Variants in MAST3 observed in about 807,000 individuals in gnomAD.
The protein encoded by MAST3 is microtubule-associated serine/threonine-protein kinase 3.
In MAST3, 43 loss-of-function variants were observed where a neutral mutation model predicts 127.0. The observed-to-expected ratio is 0.34, with a 90% confidence interval of 0.27 to 0.44. MAST3 has a LOEUF of 0.44. Ranked by LOEUF, MAST3 falls within the 20% of genes least tolerant of loss-of-function variation. MAST3 has a pLI of 1.00. For missense variants in MAST3, 1,390 were observed against 1,919.1 expected (o/e 0.72, Z 5.15); for synonymous variants, 785 against 809.2 (o/e 0.97, Z 0.51).
rs890664826 is a variant in MAST3, at chr19:18,144,262, G to A, written c.2585-204G>A. Among the ~76,000 whole-genome samples, 2 of 152,162 alleles carry A rather than the reference G, an allele frequency of 1.3e-5. No homozygotes were observed. The highest frequency in any genetic ancestry group is 4.8e-5 in the African/African-American group (2 of 41,444). ...GGAACTAAGGGTCTAAATGGGTGTG[G>A]AGGAAGGCTTCCTGGAGGAGGGGAC... is the stretch of plus-strand genomic sequence containing the variant. On this transcript the variant is annotated intron_variant, in intron 22 of 27. Transcript: ENST00000687212. This position sits in a 1 kb window ranked among gnomAD's most constrained non-coding sequence, Gnocchi z 4.0.
intron 3 of MAST3, among the ~76,000 whole-genome samples, chr19:18,111,530 CTTTTTTT>C (rs576984210): frequency 0.05 from 5,198 of 103,272 alleles, 187 homozygotes; most frequent in Admixed American, 0.12. Context: ...TTTCCACAGA[CTTTTTTT>C]TTTTTTTTTT....
chr19:18,145,835 G>A lies in MAST3; in HGVS notation c.3132G>A (p.Val1044=). ...HINGESVLGL[V]HMDVVELLLK... is the part of the protein sequence containing the mutation. The stretch of plus-strand genomic sequence containing the variant: ...ACGGGGAGTCAGTGCTGGGGCTGGT[G>A]CACATGGACGTCGTGGAGCTGCTGC... The change falls in exon 25 of 28, where the codon GTG becomes GTA. Residue 1044 remains valine, a synonymous_variant. Coordinates refer to ENST00000687212, the MANE Select transcript of MAST3 (RefSeq NM_001393504.1). This position sits in a 1 kb window ranked among gnomAD's most constrained non-coding sequence, Gnocchi z 5.9. The A allele has an allele frequency of 6.3e-7, 1 of 1,599,602 alleles. No individual in the cohort carries two copies.
At chr19:18,148,677 C>G (rs981589572) in intron 27 of MAST3, among the ~76,000 whole-genome samples, 2 of 151,732 alleles carry the variant, frequency 1.3e-5, no homozygotes, top group Non-Finnish European at 2.9e-5. Context: ...CCAAAGCAGG[C>G]GGATCACTTG....
intron 2 of MAST3, among the ~76,000 whole-genome samples, chr19:18,109,076 C>A (rs1228257996): frequency 6.6e-6 from 1 of 152,136 alleles, no homozygotes; most frequent in Non-Finnish European, 1.5e-5. Flanking sequence ...AGAGGAGGAG[C>A]TGGCAGCGGG....
Position 18,132,915 on chromosome 19 carries a change from C to T in MAST3, c.1571+868C>T, listed in dbSNP as rs1377156848. 2.6e-5 allele frequency among the ~76,000 whole-genome samples: 4 copies of T among 152,224 alleles called. No homozygotes were observed. The East Asian group carries it at 7.7e-4, about 29-fold the overall frequency. ...GTCAGGAGTTCAAGCCCAGCCTGGC[C>T]AACATAGTGAAACCTTGTCTCTACT... On this transcript the variant is annotated intron_variant, in intron 15 of 27. Transcript: ENST00000687212.
In MAST3 at chr19:18,132,012, C is replaced by G. The variant is rs1480578149; in HGVS notation, c.1536C>G (p.Asn512Lys). 1.9e-6 allele frequency: 3 copies of G among 1,614,216 alleles called. No individual in the cohort carries two copies. In the East Asian group the frequency reaches 6.7e-5, roughly 36 times the overall value. ...ETVLALEYLH[N>K]YGIVHRDLKP... ...TGTTGGCGCTGGAGTACCTGCATAA[C>G]TATGGCATCGTGCACCGTGACCTCA... The change falls in exon 15 of 28, where the codon AAC becomes AAG. Residue 512 changes from asparagine (N) to lysine (K), a missense_variant. Transcript: ENST00000687212.
chr19:18,143,173 G>A (rs628659), intron 21 of MAST3, among the ~76,000 whole-genome samples: 142,705 of 151,918 alleles, frequency 0.94, 67,050 homozygotes, highest in East Asian at 0.96. Context: ...TATGTTGCCC[G>A]CCCTGGTCTC....
chr19:18,117,369 C>G (rs1347004842), intron 3 of MAST3, among the ~76,000 whole-genome samples: 1 of 152,202 alleles, frequency 6.6e-6, no homozygotes, highest in African/African-American at 2.4e-5. Flanking sequence ...GGCTGGAGTT[C>G]AATCAGGTGG....
chr19:18,119,197 A>G (rs2039655575), intron 3 of MAST3, among the ~76,000 whole-genome samples: 1 of 152,150 alleles, frequency 6.6e-6, no homozygotes, highest in South Asian at 2.1e-4. Flanking sequence ...TTGAGGCCTC[A>G]CATTTGGCCG....
At position 18,135,800 on chromosome 19, in the gene MAST3, C is replaced by T. The variant is rs767928225; in HGVS notation, c.1931C>T (p.Thr644Ile). ...ALPADAQDLI[T>I]RLLRQSPLDR... The stretch of plus-strand genomic sequence containing the variant: ...CCAGCAGACGCCCAGGACCTCATCA[C>T]CAGGTTGCTCCGGCAGAGCCCGCTG... The change falls in exon 18 of 28, where the codon ACC (threonine) becomes ATC (isoleucine). Residue 644 changes from threonine to isoleucine, a missense_variant. By Grantham distance (89) the Thr-to-Ile change is moderately conservative. Around this residue, in one of 5 missense-constraint regions of MAST3, gnomAD observed 191 missense variants for 409.0 expected, o/e 0.47. Coordinates refer to ENST00000687212, the MANE Select transcript of MAST3 (RefSeq NM_001393504.1). 1.2e-6 allele frequency: 2 copies of T among 1,611,606 alleles called. No individual in the cohort carries two copies. Among genetic ancestry groups the T allele is most frequent in the South Asian group, 2.2e-5 (2 of 90,396 alleles).
At chr19:18,118,435 C>T (rs1410323079) in intron 3 of MAST3, among the ~76,000 whole-genome samples, 1 of 152,148 alleles carries the variant, frequency 6.6e-6, no homozygotes, top group African/African-American at 2.4e-5. Context: ...CTCCTTTCGC[C>T]CCTCGTTCCC....
At position 18,149,584 on chromosome 19, in the gene MAST3, T is replaced by G; in HGVS notation, c.3902T>G (p.Phe1301Cys). The change falls in exon 28 of 28, where the codon TTC (phenylalanine) becomes TGC (cysteine). Residue 1301 changes from phenylalanine to cysteine, a missense_variant. Physicochemically the swap from Phe to Cys is radical, Grantham distance 205. Coordinates refer to ENST00000687212, the MANE Select transcript of MAST3 (RefSeq NM_001393504.1). This position sits in a 1 kb window ranked among gnomAD's most constrained non-coding sequence, Gnocchi z 5.9. ...RLHLSERRDS[F>C]KKQEAVQEVS... is the part of the protein sequence containing the mutation. ...CACCTGTCCGAGCGCCGAGACTCCT[T>G]CAAGAAGCAGGAGGCCGTGCAGGAG... is the stretch of plus-strand genomic sequence containing the variant. 6.2e-7 allele frequency: 1 copy of G among 1,608,766 alleles called. No individual in the cohort carries two copies.
intron 17 of MAST3, 117 bp from the exon 18 acceptor site, chr19:18,135,623 C>T: frequency 1.3e-6 from 1 of 751,988 alleles, no homozygotes; most frequent in African/African-American, 1.7e-5. Flanking sequence ...GTTGCAGGGG[C>T]AGAGGAGGCC....
At chr19:18,139,256 G>A (rs1483378164) in intron 20 of MAST3, 132 bp downstream of exon 20, 60 of 655,324 alleles carry the variant, frequency 9.2e-5, no homozygotes, top group Non-Finnish European at 1.1e-4. Context: ...GCCCAGGCTG[G>A]TCTCCAACTC....
Position 18,149,974 on chromosome 19 carries a change from ACTTT to A in MAST3, c.*249_*252del. ...AGCAAATCCCTGCAACTAATTTATT[ACTTT>A]TTTTTTCTTTTTTTTTTTTTTTTTT... On this transcript the variant is annotated 3_prime_UTR_variant, in exon 28 of 28. Transcript: ENST00000687212. This position sits in a 1 kb window ranked among gnomAD's most constrained non-coding sequence, Gnocchi z 5.9. The A allele has an allele frequency of 3.9e-5, 13 of 334,000 alleles. No homozygotes were observed. Among genetic ancestry groups the A allele is most frequent in the Non-Finnish European group, 4.5e-5 (9 of 199,396 alleles). The allele number at this position is 334,000 out of a possible 1,614,324, so 20.7% of individuals were successfully genotyped here. A position where few individuals can be genotyped will look rare whatever the true frequency, so the allele number is the denominator to read the frequency against.
At chr19:18,135,076 AGAGG>A in intron 17 of MAST3, 94 bp downstream of exon 17, 2 of 1,449,568 alleles carry the variant, frequency 1.4e-6, no homozygotes, top group Non-Finnish European at 1.9e-6. Context: ...AGAAGCAGGA[AGAGG>A]GGAGGGAGTT....
At chr19:18,101,024 C>G (rs1309781073) in intron 1 of MAST3, among the ~76,000 whole-genome samples, 2 of 152,192 alleles carry the variant, frequency 1.3e-5, no homozygotes, top group Non-Finnish European at 2.9e-5. Flanking sequence ...AGCCCTGGGT[C>G]CAGGGAGGAG....
At chr19:18,107,646 G>T (rs1319695606) in intron 2 of MAST3, 28 bp downstream of exon 2, 1 of 1,609,322 alleles carries the variant, frequency 6.2e-7, no homozygotes. Flanking sequence ...TGGCGGGCTG[G>T]GTGGGCCCCA....
intron 19 of MAST3, 61 bp from the exon 20 acceptor site, chr19:18,138,954 C>A: frequency 1.7e-6 from 2 of 1,175,500 alleles, no homozygotes; most frequent in Non-Finnish European, 2.5e-6. Flanking sequence ...CGTATTGCCA[C>A]ACCGCCCTTG....
Sources: allele counts gnomAD v4.1 joint callset (sites outside exome capture counted in the v4.1 genomes callset), GRCh38; gene constraint gnomAD v4.1.1; regional missense constraint gnomAD v4.1.1; non-coding constraint Gnocchi (gnomAD v3.1); transcripts MANE v1.5; gene names NCBI Gene and HGNC (gene_info 2026-07-23, HGNC 2026-07-21).